The following MTMR7 variants were observed in gnomAD, a reference collection of about 807,000 sequenced individuals.
MTMR7 encodes phosphatidylinositol-3-phosphate phosphatase MTMR7.
MTMR7 carries 76 observed loss-of-function variants against 81.2 expected under a neutral mutation model. That is an observed-to-expected ratio of 0.94 (90% CI 0.78 to 1.13). MTMR7 has a LOEUF of 1.13. Ranked by LOEUF, MTMR7 falls within the 50% of genes most tolerant of loss-of-function variation. The pLI, the probability that MTMR7 is intolerant of heterozygous loss-of-function variation, is 0.00. For missense variants in MTMR7, 1,044 were observed against 820.0 expected (o/e 1.27, Z -3.34); for synonymous variants, 372 against 289.8 (o/e 1.28, Z -2.88).
chr8:17,380,524 T>C (rs1403682558), intron 1 of MTMR7, among the ~76,000 whole-genome samples: 3 of 151,548 alleles, frequency 2.0e-5, no homozygotes, highest in East Asian at 1.9e-4. Context: ...ACGAACTGTA[T>C]TGGGCCATAC....
intron 1 of MTMR7, among the ~76,000 whole-genome samples, chr8:17,395,785 T>G (rs1360982863): frequency 6.6e-6 from 1 of 152,228 alleles, no homozygotes; most frequent in African/African-American, 2.4e-5. Context: ...GCTGTGGTGT[T>G]GCACATAAGT....
intron 5 of MTMR7, among the ~76,000 whole-genome samples, chr8:17,348,385 A>G (rs983644638): frequency 6.9e-6 from 1 of 145,762 alleles, no homozygotes. Flanking sequence ...TAAAAATACA[A>G]AAAAAAAACC....
intron 4 of MTMR7, among the ~76,000 whole-genome samples, chr8:17,359,331 G>A (rs527720862): frequency 6.6e-6 from 1 of 152,216 alleles, no homozygotes; most frequent in South Asian, 2.1e-4. Flanking sequence ...TGGGCGAGAT[G>A]ACTCACACAT....
chr8:17,321,368 T>A (rs904612382), intron 7 of MTMR7, among the ~76,000 whole-genome samples: 8 of 152,222 alleles, frequency 5.3e-5, no homozygotes, highest in Non-Finnish European at 1.2e-4. Flanking sequence ...TCTCACCATG[T>A]CAGCACTAAC....
At position 17,373,184 on chromosome 8, in the gene MTMR7, A is replaced by C. The variant is rs146882978; in HGVS notation, c.81T>G (p.Thr27=). 6.2e-7 allele frequency: 1 copy of C among 1,613,974 alleles called. No homozygotes were observed. The highest frequency in any genetic ancestry group is 2.2e-5 in the East Asian group (1 of 44,882). Residue 27 remains threonine (T), a synonymous_variant, in exon 2 of 14, where the codon ACT becomes ACG. Transcript: ENST00000180173. ...TGACATGGGTAGCCGTCAAATACAA[A>C]GTACCTAGAGCTGCTTTTTTAGGAG... The part of the protein sequence containing the change: ...RVSPKKAALG[T]LYLTATHVIF...
intron 1 of MTMR7, among the ~76,000 whole-genome samples, chr8:17,386,287 C>A (rs193016702): frequency 3.3e-4 from 50 of 152,296 alleles, no homozygotes; most frequent in Non-Finnish European, 5.9e-5. Context: ...CTAAAGAGGG[C>A]AGATCACTTG....
intron 6 of MTMR7, among the ~76,000 whole-genome samples, chr8:17,333,154 C>T (rs367773244): frequency 1.3e-5 from 2 of 152,176 alleles, no homozygotes; most frequent in East Asian, 3.9e-4. Context: ...GCCACATCAG[C>T]CCCTCAGGAC....
chr8:17,361,381 A>T, intron 3 of MTMR7, 107 bp from the exon 4 acceptor site: 1 of 1,160,330 alleles, frequency 8.6e-7, no homozygotes, highest in South Asian at 1.4e-5. Context: ...GGCCATCCCA[A>T]CCCCCACCCC....
At chr8:17,348,440 C>A (rs1308270805) in intron 5 of MTMR7, among the ~76,000 whole-genome samples, 2 of 148,654 alleles carry the variant, frequency 1.3e-5, no homozygotes, top group African/African-American at 5.0e-5. Context: ...ATCCCAGCTA[C>A]AAAAGAGGCT....
Position 17,299,695 on chromosome 8 carries a change from G to C in MTMR7, c.*167C>G. On this transcript the variant is annotated 3_prime_UTR_variant, in exon 14 of 14. Coordinates refer to ENST00000180173, the MANE Select transcript of MTMR7 (RefSeq NM_004686.5). ...AAATGAAATGACTACGTCCTCTTCA[G>C]TATCTAAGAAATCAAGAACTGGGCA... The C allele has an allele frequency of 1.2e-6, 1 of 832,412 alleles. No homozygotes were observed. The highest frequency in any genetic ancestry group is 1.8e-6 in the Non-Finnish European group (1 of 540,848). The allele number at this position is 832,412 out of a possible 1,614,324, so 51.6% of individuals were successfully genotyped here.
rs115346501 is a variant in MTMR7 at position 17,393,983 on chromosome 8, A to C, written c.24+19286T>G. Reference sequence around the variant, plus strand: ...ACATAATTAGCTACCAGGTACATGCAACTCAAACTACCACAAGATACCGCT... The same window carrying C: ...ACATAATTAGCTACCAGGTACATGCCACTCAAACTACCACAAGATACCGCT... On this transcript the variant is annotated intron_variant, in intron 1 of 13. Coordinates refer to ENST00000180173, the MANE Select transcript of MTMR7 (RefSeq NM_004686.5). 8.7e-3 allele frequency among the ~76,000 whole-genome samples: 1,325 copies of C among 152,318 alleles called. 22 individuals carry two copies. The highest frequency in any genetic ancestry group is 0.03 in the African/African-American group (1,258 of 41,560).
At chr8:17,335,061 G>C (rs1819187297) in intron 6 of MTMR7, among the ~76,000 whole-genome samples, 1 of 152,210 alleles carries the variant, frequency 6.6e-6, no homozygotes, top group Admixed American at 6.5e-5. Context: ...ACCTGTGGCA[G>C]CGGAGAGCAA....
chr8:17,360,009 T>C (rs1185507556), intron 4 of MTMR7, among the ~76,000 whole-genome samples: 3 of 152,172 alleles, frequency 2.0e-5, no homozygotes, highest in Non-Finnish European at 4.4e-5. Flanking sequence ...TTCTCCATTA[T>C]TTAAAATAGT....
intron 7 of MTMR7, among the ~76,000 whole-genome samples, chr8:17,315,640 G>C (rs1265960623): frequency 7.2e-5 from 11 of 152,006 alleles, no homozygotes; most frequent in Admixed American, 7.2e-4. Context: ...AAAAGAAAAA[G>C]TCTTTAAAAA....
intron 6 of MTMR7, among the ~76,000 whole-genome samples, chr8:17,341,080 C>A (rs1819394530): frequency 6.6e-6 from 1 of 152,188 alleles, no homozygotes; most frequent in Admixed American, 6.5e-5. Context: ...TACTTAGGAG[C>A]ACAATCTCCA....
rs2150490856 is a variant in MTMR7 at position 17,313,303 on chromosome 8, A to G, written c.964T>C (p.Phe322Leu). 3.1e-6 allele frequency: 5 copies of G among 1,610,970 alleles called. No individual in the cohort carries two copies. Among genetic ancestry groups the G allele is most frequent in the Non-Finnish European group, 4.2e-6 (5 of 1,177,548 alleles). ...CTGCAATTGCATACCTTTGCAATGA[A>G]GATTCCTGCATCCATTATGGCTTTA... Reference protein sequence around the residue: ...HIKAIMDAGIFIAKAVSEEGA... With the variant: ...HIKAIMDAGILIAKAVSEEGA... The change falls in exon 8 of 14, where the codon TTC becomes CTC. Residue 322 changes from phenylalanine (F) to leucine (L), a missense_variant. Phe to Leu is a conservative substitution (Grantham distance 22). Transcript: ENST00000180173.
chr8:17,342,326 G>C (rs1256539013), intron 5 of MTMR7, among the ~76,000 whole-genome samples: 1 of 152,208 alleles, frequency 6.6e-6, no homozygotes, highest in East Asian at 1.9e-4. Context: ...ATGCCTGAAT[G>C]ACTCAAAGCA....
In MTMR7 at chr8:17,302,199, C is replaced by A; in HGVS notation, c.1575G>T (p.Lys525Asn). The A allele has an allele frequency of 6.2e-7, 1 of 1,614,098 alleles. No individual in the cohort carries two copies. Among genetic ancestry groups the A allele is most frequent in the Non-Finnish European group, 8.5e-7 (1 of 1,179,978 alleles). ...QSVTDYLMAV[K>N]EETQQLEEEL... Reference sequence around the variant, plus strand: ...CTTCCTCTAGCTGCTGAGTTTCTTCCTTCACTGCCATTAGGTAATCTGTAA... The same window carrying A: ...CTTCCTCTAGCTGCTGAGTTTCTTCATTCACTGCCATTAGGTAATCTGTAA... The change falls in exon 13 of 14, where the codon AAG (lysine) becomes AAT (asparagine). Residue 525 changes from lysine (K) to asparagine (N), a missense_variant. By Grantham distance (94) the Lys-to-Asn change is moderately conservative (BLOSUM62 0). Coordinates refer to ENST00000180173, the MANE Select transcript of MTMR7 (RefSeq NM_004686.5).
intron 1 of MTMR7, among the ~76,000 whole-genome samples, chr8:17,377,085 G>A (rs1436037241): frequency 6.6e-6 from 1 of 151,870 alleles, no homozygotes; most frequent in Non-Finnish European, 1.5e-5. Context: ...TTTTAAGAGA[G>A]AACCTCCATG....
Sources: allele counts gnomAD v4.1 joint callset (sites outside exome capture counted in the v4.1 genomes callset), GRCh38; gene constraint gnomAD v4.1.1; transcripts MANE v1.5; gene names NCBI Gene and HGNC (gene_info 2026-07-23, HGNC 2026-07-21).